The following TRAPPC9 variants were observed in gnomAD, a reference collection of about 807,000 sequenced individuals.
TRAPPC9 encodes the protein trafficking protein particle complex subunit 9.
Under a neutral mutation model 124.0 loss-of-function variants are expected in TRAPPC9, and 83 were observed. The observed-to-expected ratio is 0.67, with a 90% confidence interval of 0.56 to 0.80. The LOEUF is 0.80. Among genes scored for constraint, TRAPPC9 ranks in the 30% least tolerant of loss-of-function variants. The pLI, the probability that TRAPPC9 is intolerant of heterozygous loss-of-function variation, is 0.00. For synonymous variants in TRAPPC9, 638 were observed against 617.5 expected (o/e 1.03, Z -0.49); for missense variants, 1,302 against 1,508.3 (o/e 0.86, Z 2.27).
intron 16 of TRAPPC9, among the ~76,000 whole-genome samples, chr8:140,240,883 C>CTTTTAAAAAG (rs1309129158): frequency 6.6e-6 from 1 of 152,208 alleles, no homozygotes; most frequent in Non-Finnish European, 1.5e-5. Context: ...TACCAGCCTT[C>CTTTTAAAAAG]TTTTAAAAAG....
Position 140,241,953 on chromosome 8 carries a change from C to T in TRAPPC9, c.2431+10824G>A, listed in dbSNP as rs1057213102. Among the ~76,000 whole-genome samples the T allele has an allele frequency of 6.6e-6, 1 of 152,082 alleles. No homozygotes were observed. The highest frequency in any genetic ancestry group is 2.4e-5 in the African/African-American group (1 of 41,404). ...TGGGAGACTCAGGGAAGGATGAGCT[C>T]GAGCTCTGCCACCACAGGACATGGA... On this transcript the variant is annotated intron_variant, in intron 16 of 22. Transcript: ENST00000438773. The surrounding 1 kb of genome is among the most constrained non-coding windows in gnomAD (Gnocchi z 5.0).
intron 1 of TRAPPC9, among the ~76,000 whole-genome samples, chr8:140,455,931 T>C (rs571123502): frequency 1.3e-5 from 2 of 152,236 alleles, no homozygotes; most frequent in Non-Finnish European, 2.9e-5. Flanking sequence ...CCACATGTTG[T>C]ATGATTCCAT....
intron 17 of TRAPPC9, among the ~76,000 whole-genome samples, chr8:140,058,043 G>C (rs1402119188): frequency 1.3e-5 from 2 of 152,206 alleles, no homozygotes; most frequent in Admixed American, 1.3e-4. Context: ...ATTGCATACA[G>C]AAGTGCTCGC....
At chr8:140,398,904 G>A (rs66501766) in intron 6 of TRAPPC9, among the ~76,000 whole-genome samples, 42,922 of 152,206 alleles carry the variant, frequency 0.28, 6,925 homozygotes, top group South Asian at 0.43. Context: ...TGGAGGCCTA[G>A]GAGGAAAAAG....
intron 2 of TRAPPC9, among the ~76,000 whole-genome samples, chr8:140,443,854 T>C: frequency 6.7e-6 from 1 of 150,146 alleles, no homozygotes; most frequent in East Asian, 2.0e-4. Context: ...CTGGCCAACA[T>C]GGTGAAACCC....
At chr8:140,108,385 G>C (rs976727546) in intron 17 of TRAPPC9, among the ~76,000 whole-genome samples, 7 of 152,158 alleles carry the variant, frequency 4.6e-5, no homozygotes, top group Admixed American at 3.3e-4. Flanking sequence ...AGCTAGTTTG[G>C]TCTTTCATCC....
intron 21 of TRAPPC9, among the ~76,000 whole-genome samples, chr8:139,804,793 C>T (rs1490453651): frequency 8.6e-5 from 13 of 151,558 alleles, no homozygotes; most frequent in Admixed American, 8.5e-4. Flanking sequence ...ACCACCGCCG[C>T]AGCCACCACC....
At chr8:139,734,319 T>C (rs949124379) in intron 21 of TRAPPC9, among the ~76,000 whole-genome samples, 1 of 152,190 alleles carries the variant, frequency 6.6e-6, no homozygotes, top group African/African-American at 2.4e-5. Flanking sequence ...ATTTTCTCAT[T>C]TGAGAGAAGT....
At chr8:140,238,342 G>A (rs1016279270) in intron 16 of TRAPPC9, 1 of 152,222 alleles carries the variant, frequency 6.6e-6, no homozygotes, top group Non-Finnish European at 1.5e-5. Context: ...TGCACTTACA[G>A]GTTATTAGAC....
intron 21 of TRAPPC9, among the ~76,000 whole-genome samples, chr8:139,752,369 C>T (rs1027793989): frequency 6.6e-6 from 1 of 151,024 alleles, no homozygotes; most frequent in Non-Finnish European, 1.5e-5. Context: ...ACCCATCTAC[C>T]ATCCATCCAC....
At chr8:139,775,128 C>A (rs977078113) in intron 21 of TRAPPC9, among the ~76,000 whole-genome samples, 1 of 152,106 alleles carries the variant, frequency 6.6e-6, no homozygotes, top group Non-Finnish European at 1.5e-5. Context: ...CCTGACTGGG[C>A]GGGACTCTGG....
At chr8:140,148,012 T>C (rs2061487948) in intron 17 of TRAPPC9, among the ~76,000 whole-genome samples, 1 of 152,244 alleles carries the variant, frequency 6.6e-6, no homozygotes, top group African/African-American at 2.4e-5. Context: ...TCCCACTGTG[T>C]GCCAGGCACT....
chr8:139,755,260 G>C (rs1313591655), intron 21 of TRAPPC9, among the ~76,000 whole-genome samples: 1 of 152,134 alleles, frequency 6.6e-6, no homozygotes, highest in Non-Finnish European at 1.5e-5. Context: ...GCCAGCCAGG[G>C]TTTGGGGATG....
chr8:140,303,978 G>T (rs945534901), intron 10 of TRAPPC9, among the ~76,000 whole-genome samples: 4 of 152,102 alleles, frequency 2.6e-5, no homozygotes, highest in African/African-American at 9.7e-5. Flanking sequence ...ACTCACCAAT[G>T]TAGACATTTT....
At chr8:139,927,652 G>A (rs1046166693) in intron 19 of TRAPPC9, among the ~76,000 whole-genome samples, 2 of 152,196 alleles carry the variant, frequency 1.3e-5, no homozygotes, top group Non-Finnish European at 2.9e-5. Flanking sequence ...GAGGTCTGTT[G>A]AGGAATGGTT....
At chr8:139,906,865 G>A (rs1015774974) in intron 20 of TRAPPC9, among the ~76,000 whole-genome samples, 5 of 152,202 alleles carry the variant, frequency 3.3e-5, no homozygotes, top group Non-Finnish European at 5.9e-5. Flanking sequence ...TGGCCAGGGT[G>A]GCTTTCAAAG....
chr8:140,005,672 G>A (rs1022201895), intron 18 of TRAPPC9, among the ~76,000 whole-genome samples: 4 of 152,026 alleles, frequency 2.6e-5, no homozygotes, highest in Admixed American at 2.6e-4. Flanking sequence ...TCAGATTATG[G>A]GAAGTCTTGG....
At chr8:140,400,631 G>C (rs1037372584) in intron 6 of TRAPPC9, among the ~76,000 whole-genome samples, 1 of 152,146 alleles carries the variant, frequency 6.6e-6, no homozygotes, top group African/African-American at 2.4e-5. Context: ...AAAAGCCTTC[G>C]TGGAATTTCA....
chr8:139,806,682 T>C (rs1824086444), intron 21 of TRAPPC9, among the ~76,000 whole-genome samples: 1 of 152,208 alleles, frequency 6.6e-6, no homozygotes, highest in Admixed American at 6.5e-5. Flanking sequence ...CCCAGGCACC[T>C]GCTGTTCTGC....
Sources: gnomAD v4.1 joint callset for allele counts (sites outside exome capture counted in the v4.1 genomes callset) on GRCh38, gnomAD v4.1.1 for gene constraint, Gnocchi (gnomAD v3.1) non-coding constraint, MANE v1.5 for transcripts, NCBI Gene and HGNC (gene_info 2026-07-23, HGNC 2026-07-21) for gene names.